DOCK3: variants seen among roughly 807,000 people sequenced by gnomAD.
The protein encoded by DOCK3 is dedicator of cytokinesis 3.
In DOCK3, 60 loss-of-function variants were observed where a neutral mutation model predicts 265.6. The ratio of observed to expected loss-of-function variants is 0.23; its 90% CI spans 0.18 to 0.28. DOCK3 has a LOEUF of 0.28. DOCK3 is among the 10% of genes least tolerant of loss of function. The probability of loss-of-function intolerance (pLI) is 1.00; values close to 1 mark genes in which losing one functional copy is unlikely to be tolerated. For synonymous variants in DOCK3, 881 were observed against 938.0 expected, an observed-to-expected ratio of 0.94 and a Z score of 1.11; for missense variants, 1,981 against 2,594.3, an observed-to-expected ratio of 0.76 and a Z score of 5.14.
At chr3:50,898,221 C>G (rs1432975053) in intron 4 of DOCK3, among the ~76,000 whole-genome samples, 4 of 151,272 alleles carry the variant, frequency 2.6e-5, no homozygotes, top group Non-Finnish European at 5.9e-5. Context: ...GTGTATGTGT[C>G]CAGAAATTTA....
At chr3:50,985,948 T>G (rs775496124) in intron 5 of DOCK3, among the ~76,000 whole-genome samples, 3 of 152,078 alleles carry the variant, frequency 2.0e-5, no homozygotes, top group Non-Finnish European at 2.9e-5. Flanking sequence ...GTTTTAAAAA[T>G]TTTATGCCAA....
At chr3:51,370,645 G>A (rs1211783544) in intron 49 of DOCK3, among the ~76,000 whole-genome samples, 1 of 152,244 alleles carries the variant, frequency 6.6e-6, no homozygotes, top group Non-Finnish European at 1.5e-5. Flanking sequence ...CACTATGTCA[G>A]TGCTGAATAG....
intron 14 of DOCK3, among the ~76,000 whole-genome samples, chr3:51,221,764 G>A (rs1176085142): frequency 6.6e-6 from 1 of 152,202 alleles, no homozygotes; most frequent in Non-Finnish European, 1.5e-5. Flanking sequence ...TTAGGAAGCA[G>A]AGGGCACTTA....
chr3:51,167,260 A>C (rs1213386216), intron 12 of DOCK3, among the ~76,000 whole-genome samples: 1 of 151,890 alleles, frequency 6.6e-6, no homozygotes, highest in Non-Finnish European at 1.5e-5. Context: ...AGACTAGTTC[A>C]CTGAGTTTAT....
chr3:51,057,177 G>A (rs1255436047), intron 5 of DOCK3, among the ~76,000 whole-genome samples: 2 of 152,150 alleles, frequency 1.3e-5, no homozygotes, highest in Non-Finnish European at 2.9e-5. Context: ...TAAAACAGGA[G>A]CACTAAAACA....
At chr3:50,945,031 T>A (rs1348092542) in intron 5 of DOCK3, among the ~76,000 whole-genome samples, 1 of 152,202 alleles carries the variant, frequency 6.6e-6, no homozygotes. Context: ...TCCTATCAAC[T>A]TAAACATGGC....
At chr3:50,823,883 T>G (rs1308309955) in intron 2 of DOCK3, among the ~76,000 whole-genome samples, 1 of 152,248 alleles carries the variant, frequency 6.6e-6, no homozygotes, top group African/African-American at 2.4e-5. Context: ...GTACCAGAAG[T>G]AGATATTATA....
intron 9 of DOCK3, among the ~76,000 whole-genome samples, chr3:51,109,692 G>A (rs2083433840): frequency 6.6e-6 from 1 of 152,152 alleles, no homozygotes; most frequent in African/African-American, 2.4e-5. Context: ...GGGAGGCCAA[G>A]TCCAGAGGTC....
At chr3:50,925,520 C>T (rs981516673) in intron 4 of DOCK3, among the ~76,000 whole-genome samples, 3 of 151,834 alleles carry the variant, frequency 2.0e-5, no homozygotes, top group Non-Finnish European at 2.9e-5. Context: ...AGGCACTGCT[C>T]TCCAGACTGG....
intron 9 of DOCK3, among the ~76,000 whole-genome samples, chr3:51,091,695 A>AAT (rs1461035540): frequency 6.6e-6 from 1 of 151,472 alleles, no homozygotes; most frequent in African/African-American, 2.4e-5. Context: ...AAAAAAAAAA[A>AAT]AAAAAAAGAT....
At chr3:51,052,870 A>G (rs549531431) in intron 5 of DOCK3, among the ~76,000 whole-genome samples, 2 of 151,708 alleles carry the variant, frequency 1.3e-5, no homozygotes, top group Middle Eastern at 3.4e-3. Flanking sequence ...GAGAAGTATA[A>G]ATGGTCTAGC....
intron 5 of DOCK3, among the ~76,000 whole-genome samples, chr3:50,971,736 A>C (rs1353065417): frequency 6.6e-6 from 1 of 152,216 alleles, no homozygotes; most frequent in Non-Finnish European, 1.5e-5. Context: ...TTGCCTCAGG[A>C]ACTGGGCTGG....
chr3:50,933,935 T>C, intron 4 of DOCK3, 46 bp from the exon 5 acceptor site: 4 of 1,373,576 alleles, frequency 2.9e-6, no homozygotes, highest in African/African-American at 1.4e-5. Context: ...TTTGCCGAGA[T>C]TTTTTTCAGA....
chr3:51,299,677 C>A (rs1321772327), intron 27 of DOCK3, among the ~76,000 whole-genome samples: 5 of 152,108 alleles, frequency 3.3e-5, no homozygotes, highest in Non-Finnish European at 7.4e-5. Context: ...ATAGGGAATC[C>A]TTTCCCTGTT....
intron 5 of DOCK3, among the ~76,000 whole-genome samples, chr3:50,947,784 AG>A (rs1391976485): frequency 6.6e-6 from 1 of 152,060 alleles, no homozygotes; most frequent in Non-Finnish European, 1.5e-5. Flanking sequence ...AATATGGTTA[AG>A]ATGTTAGTTC....
chr3:50,740,659 A>G (rs886329118), intron 1 of DOCK3, among the ~76,000 whole-genome samples: 1 of 152,046 alleles, frequency 6.6e-6, no homozygotes, highest in Non-Finnish European at 1.5e-5. Flanking sequence ...TGAACATTCA[A>G]AATTTTTTTT....
At chr3:51,159,197 TA>T (rs763839274) in intron 10 of DOCK3, 46 bp from the exon 11 acceptor site, 20 of 1,575,316 alleles carry the variant, frequency 1.3e-5, no homozygotes, top group Non-Finnish European at 1.6e-5. Context: ...AATTTTTAAT[TA>T]TTTTCTGTGT....
At chr3:51,222,582 A>G (rs1420808953) in intron 14 of DOCK3, among the ~76,000 whole-genome samples, 3 of 152,196 alleles carry the variant, frequency 2.0e-5, no homozygotes, top group Non-Finnish European at 4.4e-5. Flanking sequence ...CATAATTGCA[A>G]CCCATAAGCC....
chr3:50,754,902 GT>G (rs2040065743), intron 1 of DOCK3, among the ~76,000 whole-genome samples: 1 of 152,206 alleles, frequency 6.6e-6, no homozygotes, highest in African/African-American at 2.4e-5. Context: ...AAGCAGCTTG[GT>G]TTTACTTGTG....
Sources: gnomAD v4.1 joint callset for allele counts (sites outside exome capture counted in the v4.1 genomes callset) on GRCh38, gnomAD v4.1.1 for gene constraint, MANE v1.5 for transcripts, NCBI Gene and HGNC (gene_info 2026-07-23, HGNC 2026-07-21) for gene names.